The following FBXO22 variants were observed in gnomAD, a reference collection of about 807,000 sequenced individuals.
FBXO22 encodes the protein F-box protein 22.
Under a neutral mutation model 37.2 loss-of-function variants are expected in FBXO22, and 13 were observed. The ratio of observed to expected loss-of-function variants is 0.35; its 90% CI spans 0.23 to 0.56. The LOEUF (loss-of-function observed/expected upper bound fraction) is 0.56. Ranked by LOEUF, FBXO22 falls within the 20% of genes least tolerant of loss-of-function variation. The probability of loss-of-function intolerance (pLI) is 0.87; values close to 1 mark genes in which losing one functional copy is unlikely to be tolerated. For synonymous variants in FBXO22, 189 were observed against 189.1 expected (o/e 1.00, Z 0.00); for missense variants, 446 against 509.9 (o/e 0.87, Z 1.21).
At chr15:75,904,867 A>T (rs1899890203) in intron 2 of FBXO22, among the ~76,000 whole-genome samples, 1 of 129,832 alleles carries the variant, frequency 7.7e-6, no homozygotes, top group African/African-American at 3.0e-5. Context: ...TCTGTGGCCC[A>T]GGCTGGAGTG....
rs2030315018 is a variant in FBXO22 at position 75,936,098 on chromosome 15, A to C, written c.*2996A>C. On this transcript the variant is annotated 3_prime_UTR_variant, in exon 7 of 7. Coordinates refer to ENST00000308275, the MANE Select transcript of FBXO22 (RefSeq NM_147188.3). ...CACTGCGCCCAGCCACAAATCTGAGAACTTTCTATGCAATCTGCAGAAATT... is the reference window on the plus strand; with the variant it reads ...CACTGCGCCCAGCCACAAATCTGAGCACTTTCTATGCAATCTGCAGAAATT... The C allele has an allele frequency of 6.6e-6, 1 of 152,088 alleles. No individual in the cohort carries two copies. Among genetic ancestry groups the C allele is most frequent in the South Asian group, 2.1e-4 (1 of 4,828 alleles). The allele number at this position is 152,088 out of a possible 1,614,324, so 9.4% of individuals were successfully genotyped here.
At chr15:75,929,514 G>GTTTTTTTTTTTTT (rs35139316) in intron 5 of FBXO22, among the ~76,000 whole-genome samples, 1 of 142,608 alleles carries the variant, frequency 7.0e-6, no homozygotes, top group Non-Finnish European at 1.5e-5. Flanking sequence ...GTAAACCAGT[G>GTTTTTTTTTTTTT]TTTTTTTTTT....
rs1249302344 is a variant in FBXO22 at position 75,941,487 on chromosome 15, AG to A, written c.*8386del. 2.6e-5 allele frequency: 4 copies of A among 152,200 alleles called. No individual in the cohort carries two copies. The highest frequency in any genetic ancestry group is 6.5e-5 in the Admixed American group (1 of 15,288). The allele number at this position is 152,200 out of a possible 1,614,324, so 9.4% of individuals were successfully genotyped here. ...ATATTTGTATACCAGTGTTCACTGC[AG>A]CATTATTCACCGTAGTCAAAAGGTA... On this transcript the variant is annotated 3_prime_UTR_variant, in exon 7 of 7. Coordinates refer to ENST00000308275, the MANE Select transcript of FBXO22 (RefSeq NM_147188.3).
chr15:75,921,045 A>G (rs1900311244), intron 5 of FBXO22, among the ~76,000 whole-genome samples: 1 of 152,160 alleles, frequency 6.6e-6, no homozygotes, highest in South Asian at 2.1e-4. Flanking sequence ...AGCCTACTAT[A>G]TGTGTAGGCT....
At chr15:75,924,979 G>A (rs552113168) in intron 5 of FBXO22, among the ~76,000 whole-genome samples, 5 of 152,224 alleles carry the variant, frequency 3.3e-5, no homozygotes, top group South Asian at 2.1e-4. Context: ...TTTTATTTGC[G>A]GAGAGTCCCA....
intron 5 of FBXO22, among the ~76,000 whole-genome samples, chr15:75,928,656 G>A (rs1284690357): frequency 6.6e-6 from 1 of 152,034 alleles, no homozygotes; most frequent in African/African-American, 2.4e-5. Flanking sequence ...CCTGGGTGAT[G>A]AAATAATCTG....
rs2029983359 is a variant in FBXO22 at position 75,930,835 on chromosome 15, A to G, written c.794+786A>G. 17 of 985,282 alleles carry G rather than the reference A, an allele frequency of 1.7e-5. No homozygotes were observed. In the South Asian group the frequency reaches 7.0e-4, roughly 41 times the overall value. 61.0% of individuals were successfully genotyped at this position (985,282 alleles called of 1,614,324 possible). A position where few individuals can be genotyped will look rare whatever the true frequency, so the allele number is the denominator to read the frequency against. On this transcript the variant is annotated intron_variant, in intron 6 of 6. Transcript: ENST00000308275. ...CCACTCTGTTTAATATTTGCATCCT[A>G]GAGTGGTGACATGGGGACAGACTGT...
chr15:75,930,023 C>T lies in FBXO22; in HGVS notation c.768C>T (p.Asp256=). The T allele has an allele frequency of 3.1e-6, 5 of 1,614,092 alleles. No homozygotes were observed. Among genetic ancestry groups the T allele is most frequent in the Non-Finnish European group, 2.5e-6 (3 of 1,179,970 alleles). The part of the protein sequence containing the change: ...MNIILAGGQV[D]NLSSLTSEKN... ...TCATCTTGGCTGGAGGCCAGGTGGA[C>T]AACCTGTCATCACTGACTTCTGAAA... Residue 256 remains aspartate (D), a synonymous_variant, in exon 6 of 7, where the codon GAC becomes GAT. Coordinates refer to ENST00000308275, the MANE Select transcript of FBXO22 (RefSeq NM_147188.3).
At chr15:75,928,099 AC>A (rs1355385199) in intron 5 of FBXO22, among the ~76,000 whole-genome samples, 2 of 152,102 alleles carry the variant, frequency 1.3e-5, no homozygotes, top group Non-Finnish European at 2.9e-5. Context: ...TCAAAAAATA[AC>A]AGATGCTGGC....
intron 2 of FBXO22, among the ~76,000 whole-genome samples, chr15:75,908,351 C>T (rs1899974421): frequency 6.6e-6 from 1 of 151,732 alleles, no homozygotes; most frequent in Non-Finnish European, 1.5e-5. Context: ...TGGCTCAGTG[C>T]AACCTCCACC....
At chr15:75,915,465 AAAG>A (rs1595913328) in intron 4 of FBXO22, among the ~76,000 whole-genome samples, 1 of 152,100 alleles carries the variant, frequency 6.6e-6, no homozygotes, top group East Asian at 1.9e-4. Flanking sequence ...TTTTTAAAAA[AAAG>A]AGTTTATTTC....
chr15:75,918,304 C>T (rs1900233644), intron 5 of FBXO22, among the ~76,000 whole-genome samples: 1 of 151,002 alleles, frequency 6.6e-6, no homozygotes, highest in Admixed American at 6.6e-5. Flanking sequence ...GTTTTTACAA[C>T]TATCCCTGAC....
chr15:75,913,594 G>T (rs1900118008), intron 3 of FBXO22, among the ~76,000 whole-genome samples: 1 of 152,094 alleles, frequency 6.6e-6, no homozygotes, highest in Admixed American at 6.6e-5. Flanking sequence ...GGCTATTCAG[G>T]CCTTTTACTG....
chr15:75,907,638 A>G (rs1487937776), intron 2 of FBXO22, among the ~76,000 whole-genome samples: 1 of 152,144 alleles, frequency 6.6e-6, no homozygotes, highest in African/African-American at 2.4e-5. Context: ...GCTCATGCCT[A>G]TAATCCCAGC....
At chr15:75,906,316 T>G (rs1899928822) in intron 2 of FBXO22, among the ~76,000 whole-genome samples, 1 of 152,114 alleles carries the variant, frequency 6.6e-6, no homozygotes, top group Non-Finnish European at 1.5e-5. Flanking sequence ...GTGTACTCCT[T>G]GCCATTGAGG....
intron 4 of FBXO22, among the ~76,000 whole-genome samples, chr15:75,916,285 A>G (rs1900186555): frequency 6.6e-6 from 1 of 152,176 alleles, no homozygotes; most frequent in Non-Finnish European, 1.5e-5. Flanking sequence ...TAGGGCTACC[A>G]TAACAAAATA....
chr15:75,919,513 C>G (rs1425221185), intron 5 of FBXO22, among the ~76,000 whole-genome samples: 11 of 152,198 alleles, frequency 7.2e-5, no homozygotes, highest in Non-Finnish European at 1.2e-4. Flanking sequence ...CTGCTACTTT[C>G]TGGCTCTCCA....
At position 75,938,233 on chromosome 15, in the gene FBXO22, T is replaced by G. The variant is rs969781255; in HGVS notation, c.*5131T>G. On this transcript the variant is annotated 3_prime_UTR_variant, in exon 7 of 7. Transcript: ENST00000308275. ...GATCACACACAGAAGGAATAGTCTT[T>G]TATAAAAATAATTTGGAAAACTCTC... 2.0e-5 allele frequency: 3 copies of G among 152,170 alleles called. No individual in the cohort carries two copies. The highest frequency in any genetic ancestry group is 7.2e-5 in the African/African-American group (3 of 41,434). 9.4% of individuals were successfully genotyped at this position (152,170 alleles called of 1,614,324 possible).
intron 5 of FBXO22, among the ~76,000 whole-genome samples, chr15:75,929,157 C>T (rs2029916039): frequency 6.6e-6 from 1 of 152,072 alleles, no homozygotes; most frequent in Admixed American, 6.6e-5. Context: ...GCTCCAGTTT[C>T]TGCTTCTGTG....
Sources: allele counts gnomAD v4.1 joint callset (sites outside exome capture counted in the v4.1 genomes callset), GRCh38; gene constraint gnomAD v4.1.1; transcripts MANE v1.5; gene names NCBI Gene and HGNC (gene_info 2026-07-23, HGNC 2026-07-21).